TCOF1: variants seen among roughly 807,000 people sequenced by gnomAD.
The protein encoded by TCOF1 is treacle ribosome biogenesis factor 1.
Under a neutral mutation model 149.0 loss-of-function variants are expected in TCOF1, and 33 were observed. The observed-to-expected ratio is 0.22, with a 90% CI of 0.17 to 0.30. The LOEUF (loss-of-function observed/expected upper bound fraction) is 0.30. TCOF1 is among the 10% of genes least tolerant of loss of function. TCOF1 has a pLI of 1.00. For synonymous variants in TCOF1, 789 were observed against 738.8 expected, an observed-to-expected ratio of 1.07 and a Z score of -1.10; for missense variants, 1,728 against 1,840.7, an observed-to-expected ratio of 0.94 and a Z score of 1.12.
rs368778515 is a variant in TCOF1 at position 150,379,411 on chromosome 5, G to A, written c.2658+3G>A. 16 of 1,613,694 alleles carry A rather than the reference G, an allele frequency of 9.9e-6. No individual in the cohort carries two copies. The highest frequency in any genetic ancestry group is 2.7e-5 in the African/African-American group (2 of 74,794). Reference sequence around the variant, plus strand: ...AGGAGGCGGAGACGCTGGCTCAGGTGAGGGGGAGGGAATGGAGATCATCCC... The same window carrying A: ...AGGAGGCGGAGACGCTGGCTCAGGTAAGGGGGAGGGAATGGAGATCATCCC... On this transcript the variant is annotated splice_donor_region_variant and intron_variant, in intron 16 of 26. Transcript: ENST00000643257.
chr5:150,364,370 G>C, intron 3 of TCOF1, 118 bp downstream of exon 3: 3 of 1,438,394 alleles, frequency 2.1e-6, no homozygotes, highest in Non-Finnish European at 2.9e-6. Context: ...GGAGGAGATT[G>C]GGAGGGCACC....
intron 9 of TCOF1, 71 bp downstream of exon 9, chr5:150,374,882 T>C: frequency 6.2e-7 from 1 of 1,611,614 alleles, no homozygotes; most frequent in South Asian, 1.1e-5. Flanking sequence ...TGTGGCCACC[T>C]TTGCCACATC....
rs1763230121 is a variant in TCOF1 at position 150,374,377 on chromosome 5, C to A, written c.1074C>A (p.Ala358=). The A allele has an allele frequency of 6.4e-7, 1 of 1,553,536 alleles. No individual in the cohort carries two copies. The highest frequency in any genetic ancestry group is 2.4e-5 in the East Asian group (1 of 40,922). ...DSEEETPAAK[A]LLQAKASGKT... ...AGGAGGAGACGCCAGCTGCCAAGGCCCTGCTTCAGGTGAGGCCTGAGGAGG... is the reference window on the plus strand; with the variant it reads ...AGGAGGAGACGCCAGCTGCCAAGGCACTGCTTCAGGTGAGGCCTGAGGAGG... The change falls in exon 8 of 27, where the codon GCC becomes GCA. Residue 358 remains alanine (A), a synonymous_variant. Transcript: ENST00000643257.
chr5:150,372,414 AC>A (rs755421385), intron 7 of TCOF1, among the ~76,000 whole-genome samples, 178 bp downstream of exon 7: 10 of 152,222 alleles, frequency 6.6e-5, no homozygotes, highest in Non-Finnish European at 1.5e-4. Context: ...TTTGTCTGTG[AC>A]CAACTTTACC....
chr5:150,392,524 A>G (rs1415559378), intron 21 of TCOF1, 181 bp from the exon 22 acceptor site: 2 of 653,278 alleles, frequency 3.1e-6, no homozygotes, highest in African/African-American at 1.8e-5. Context: ...CGCACCTAGC[A>G]TGCTGTGACT....
chr5:150,374,698 G>A lies in TCOF1; in HGVS notation c.1165G>A (p.Ala389Thr). Residue 389 changes from alanine to threonine, a missense_variant, in exon 9 of 27, where the codon GCG becomes ACG. Transcript: ENST00000643257. Reference protein sequence around the residue: ...KESPRKGAAPAPPGKTGPAVA... With the variant: ...KESPRKGAAPTPPGKTGPAVA... ...GTCCCCCAGGAAAGGAGCTGCCCCA[G>A]CGCCCCCTGGGAAGACAGGGCCTGC... 6.2e-7 allele frequency: 1 copy of A among 1,613,858 alleles called. No homozygotes were observed. Among genetic ancestry groups the A allele is most frequent in the Non-Finnish European group, 8.5e-7 (1 of 1,179,972 alleles).
intron 15 of TCOF1, 45 bp downstream of exon 15, chr5:150,379,087 G>A: frequency 2.5e-6 from 4 of 1,613,872 alleles, no homozygotes; most frequent in Non-Finnish European, 3.4e-6. Flanking sequence ...GGTTGGGGTA[G>A]AGAGGAGGAC....
At chr5:150,376,735 A>G (rs2150746517) in intron 14 of TCOF1, 115 bp downstream of exon 14, 1 of 1,055,658 alleles carries the variant, frequency 9.5e-7, no homozygotes, top group East Asian at 2.6e-5. Flanking sequence ...CCTCAGAGGT[A>G]GCCTCAACAC....
chr5:150,396,293 G>C lies in TCOF1; in HGVS notation c.3796G>C (p.Ala1266Pro). 1 of 1,614,038 alleles carries C rather than the reference G, an allele frequency of 6.2e-7. No individual in the cohort carries two copies. Among genetic ancestry groups the C allele is most frequent in the Non-Finnish European group, 8.5e-7 (1 of 1,180,044 alleles). The change falls in exon 24 of 27, where the codon GCT becomes CCT. Residue 1266 changes from alanine (A) to proline (P), a missense_variant. This residue lies in a region of TCOF1 where 1,696 missense variants were observed against 1,765.4 expected (regional missense o/e 0.96). Transcript: ENST00000643257. Reference protein sequence around the residue: ...MLSPKTGGKEAASGTTPQKSR... With the variant: ...MLSPKTGGKEPASGTTPQKSR... ...TTCTCTCTCCATAGGTGGAAAAGAG[G>C]CTGCTTCAGGCACCACACCTCAGAA...
chr5:150,384,030 G>A (rs1765774176), intron 17 of TCOF1: 16 of 1,369,360 alleles, frequency 1.2e-5, no homozygotes, highest in Non-Finnish European at 1.5e-5. Context: ...GCACCTCAGA[G>A]CACCAGCTCC....
At chr5:150,376,980 G>A (rs986660451) in intron 14 of TCOF1, among the ~76,000 whole-genome samples, 1 of 152,246 alleles carries the variant, frequency 6.6e-6, no homozygotes, top group Non-Finnish European at 1.5e-5. Flanking sequence ...GAGCGATGGG[G>A]TTGAGATAGA....
At position 150,389,310 on chromosome 5, in the gene TCOF1, C is replaced by A. The variant is rs546447488; in HGVS notation, c.3047-577C>A. ...CCATACTGTATCTAATGTTCAGTAA[C>A]CTTCACTGGATATTTTATGACATCG... On this transcript the variant is annotated intron_variant, in intron 18 of 26. Transcript: ENST00000643257. Among the ~76,000 whole-genome samples, 11 of 152,216 alleles carry A rather than the reference C, an allele frequency of 7.2e-5. No homozygotes were observed. The South Asian group carries it at 2.1e-3, about 29-fold the overall frequency.
At position 150,376,494 on chromosome 5, in the gene TCOF1, G is replaced by C. The variant is rs766860568; in HGVS notation, c.2214G>C (p.Gly738=). Residue 738 remains glycine, a synonymous_variant, in exon 14 of 27, where the codon GGG becomes GGC. Transcript: ENST00000643257. ...SVPVKGSLGQ[G]TAPVLPGKTG... is the part of the protein sequence containing the mutation. ...CTGTCAAGGGGTCCTTGGGGCAAGG[G>C]ACTGCTCCAGTACTCCCTGGGAAGA... The C allele has an allele frequency of 3.1e-5, 50 of 1,613,914 alleles. No homozygotes were observed. Among genetic ancestry groups the C allele is most frequent in the Admixed American group, 1.0e-4 (6 of 59,990 alleles).
chr5:150,395,538 T>A (rs1581220045), intron 23 of TCOF1, among the ~76,000 whole-genome samples: 1 of 140,904 alleles, frequency 7.1e-6, no homozygotes, highest in Non-Finnish European at 1.6e-5. Flanking sequence ...CTGTGGAAGG[T>A]TTTTTTTTTT....
chr5:150,382,995 G>A (rs1240673598), intron 17 of TCOF1: 3 of 1,300,716 alleles, frequency 2.3e-6, no homozygotes, highest in African/African-American at 3.0e-5. Flanking sequence ...ATTGCCTACT[G>A]GCTGTTTCCC....
chr5:150,375,087 A>C lies in TCOF1; in HGVS notation c.1412A>C (p.Gln471Pro). The change falls in exon 10 of 27, where the codon CAG becomes CCG. Residue 471 changes from glutamine to proline, a missense_variant. Coordinates refer to ENST00000643257, the MANE Select transcript of TCOF1 (RefSeq NM_001371623.1). The stretch of plus-strand genomic sequence containing the variant: ...GCCGCCCAGGTCCAGGTGGGGAAGC[A>C]GGAGGAGGACTCAAGAAGCAGCAGC... The part of the protein sequence containing the change: ...PAAAQVQVGK[Q>P]EEDSRSSSEE... The C allele has an allele frequency of 6.2e-7, 1 of 1,612,362 alleles. No homozygotes were observed. Among genetic ancestry groups the C allele is most frequent in the South Asian group, 1.1e-5 (1 of 91,006 alleles).
At chr5:150,361,478 C>T (rs1760080636) in intron 2 of TCOF1, among the ~76,000 whole-genome samples, 1 of 152,222 alleles carries the variant, frequency 6.6e-6, no homozygotes. Context: ...GTATATTGAG[C>T]ACCTCCTGAA....
chr5:150,399,332 G>C (rs981318578), intron 26 of TCOF1, among the ~76,000 whole-genome samples: 1 of 152,244 alleles, frequency 6.6e-6, no homozygotes, highest in African/African-American at 2.4e-5. Flanking sequence ...GCTTTAGGGG[G>C]TGTGCCCTGG....
rs1761927792 is a variant in TCOF1, at chr5:150,368,842, T to C, written c.505T>C (p.Leu169=). 5.6e-6 allele frequency: 9 copies of C among 1,613,836 alleles called. No individual in the cohort carries two copies. Among genetic ancestry groups the C allele is most frequent in the Non-Finnish European group, 6.8e-6 (8 of 1,180,008 alleles). Residue 169 remains leucine, a synonymous_variant, in exon 5 of 27, where the codon TTG becomes CTG. Transcript: ENST00000643257. ...AGCAGAGCCCTCAGCAAATACTACGTTGGTCTCAGAAACTGAGGAGGAGGG... is the reference window on the plus strand; with the variant it reads ...AGCAGAGCCCTCAGCAAATACTACGCTGGTCTCAGAAACTGAGGAGGAGGG... The part of the protein sequence containing the change: ...KSAEPSANTT[L]VSETEEEGSV...
Sources: allele counts gnomAD v4.1 joint callset (sites outside exome capture counted in the v4.1 genomes callset), GRCh38; gene constraint gnomAD v4.1.1; regional missense constraint gnomAD v4.1.1; transcripts MANE v1.5; gene names NCBI Gene and HGNC (gene_info 2026-07-23, HGNC 2026-07-21).